The following TENM2 variants were observed in gnomAD, a reference collection of about 807,000 sequenced individuals.
The protein encoded by TENM2 is teneurin-2.
Under a neutral mutation model 245.2 loss-of-function variants are expected in TENM2, and 52 were observed. The observed-to-expected ratio is 0.21, with a 90% confidence interval of 0.17 to 0.27. The LOEUF (loss-of-function observed/expected upper bound fraction) is 0.27, where lower values mean the gene tolerates loss of function less well. TENM2 is among the 10% of genes least tolerant of loss of function. The probability of loss-of-function intolerance (pLI) is 1.00; values close to 1 mark genes in which losing one functional copy is unlikely to be tolerated. For synonymous variants in TENM2, 1,363 were observed against 1,438.9 expected, an observed-to-expected ratio of 0.95 and a Z score of 1.19; for missense variants, 3,046 against 3,666.8, an observed-to-expected ratio of 0.83 and a Z score of 4.37.
chr5:167,632,926 C>T (rs559776793), intron 2 of TENM2, among the ~76,000 whole-genome samples: 15 of 152,184 alleles, frequency 9.9e-5, no homozygotes, highest in African/African-American at 2.6e-4. Context: ...GTCATGATTT[C>T]GTATCATTTT....
At chr5:168,235,051 T>C (rs559680462) in intron 25 of TENM2, among the ~76,000 whole-genome samples, 38 of 152,306 alleles carry the variant, frequency 2.5e-4, no homozygotes, top group African/African-American at 8.9e-4. Context: ...CGTGCCTATG[T>C]GCATGTGAAC....
chr5:167,032,563 T>C, the TENM2 span, among the ~76,000 whole-genome samples: 14 of 152,180 alleles, frequency 9.2e-5, no homozygotes, highest in Non-Finnish European at 1.8e-4. Context: ...AATATTGTAA[T>C]GTGTGAGTTT....
chr5:167,288,289 G>A (rs1164289372), intron 1 of TENM2, among the ~76,000 whole-genome samples: 7 of 152,100 alleles, frequency 4.6e-5, no homozygotes, highest in Non-Finnish European at 7.4e-5. Context: ...GGCGGGCGCG[G>A]TGGCTCACAC....
the TENM2 span, among the ~76,000 whole-genome samples, chr5:167,027,632 T>C: frequency 6.6e-6 from 1 of 152,206 alleles, no homozygotes; most frequent in Non-Finnish European, 1.5e-5. Context: ...TATTTATTGA[T>C]CTTTTTCCTG....
At chr5:167,068,355 G>T in the TENM2 span, among the ~76,000 whole-genome samples, 4 of 152,126 alleles carry the variant, frequency 2.6e-5, no homozygotes, top group Non-Finnish European at 4.4e-5. Flanking sequence ...TATCGCCTGG[G>T]AAAGGGCTGT....
chr5:167,691,982 G>A (rs916780314), intron 2 of TENM2, among the ~76,000 whole-genome samples: 3 of 152,112 alleles, frequency 2.0e-5, no homozygotes, highest in Non-Finnish European at 4.4e-5. Context: ...ACCATTTGCG[G>A]GAGAGGAGTA....
At chr5:168,186,897 T>A (rs1355474462) in intron 13 of TENM2, 1 of 152,190 alleles carries the variant, frequency 6.6e-6, no homozygotes. Context: ...TCCAAGGGGC[T>A]TGCTGGCATA....
intron 2 of TENM2, among the ~76,000 whole-genome samples, chr5:167,869,222 G>T (rs888965306): frequency 3.9e-5 from 6 of 152,206 alleles, no homozygotes; most frequent in African/African-American, 1.4e-4. Context: ...ATAAACATTT[G>T]TAAAAGACAA....
At chr5:167,219,125 T>C in the TENM2 span, among the ~76,000 whole-genome samples, 2 of 152,122 alleles carry the variant, frequency 1.3e-5, no homozygotes, top group African/African-American at 4.8e-5. Flanking sequence ...ATTTCTCAAG[T>C]CCTCAGCCAA....
At chr5:167,214,222 T>C in the TENM2 span, among the ~76,000 whole-genome samples, 1 of 152,190 alleles carries the variant, frequency 6.6e-6, no homozygotes, top group Admixed American at 6.5e-5. Flanking sequence ...ATTTGCCCCA[T>C]TTTCATATTG....
At chr5:167,358,839 ACACACACACACACC>A (rs1446846083) in intron 1 of TENM2, among the ~76,000 whole-genome samples, 13 of 84,210 alleles carry the variant, frequency 1.5e-4, no homozygotes, top group African/African-American at 4.8e-4. Context: ...ACACACACAC[ACACACACACACACC>A]CTGCTGTTTT....
Position 167,537,713 on chromosome 5 carries a change from G to A in TENM2, c.502+162240G>A, listed in dbSNP as rs527620021. Among the ~76,000 whole-genome samples, 10 of 152,286 alleles carry A rather than the reference G, an allele frequency of 6.6e-5. No homozygotes were observed. The South Asian group carries it at 2.1e-3, about 32-fold the overall frequency. ...TCTTCTTCCATCTTCCCAGGTATGA[G>A]GCAAAGATTAAAGCCATAGACGCTC... On this transcript the variant is annotated intron_variant, in intron 2 of 28. Transcript: ENST00000518659.
At chr5:167,945,006 G>A (rs1304854426) in intron 3 of TENM2, among the ~76,000 whole-genome samples, 2 of 152,148 alleles carry the variant, frequency 1.3e-5, no homozygotes, top group Non-Finnish European at 2.9e-5. Flanking sequence ...GAATTAAGTG[G>A]GAGGGCATCA....
At chr5:167,170,684 G>C in the TENM2 span, among the ~76,000 whole-genome samples, 1 of 152,020 alleles carries the variant, frequency 6.6e-6, no homozygotes, top group Admixed American at 6.6e-5. Flanking sequence ...TTTAAAAGTT[G>C]ATCTTTAATC....
the TENM2 span, among the ~76,000 whole-genome samples, chr5:167,218,182 GCT>G: frequency 9.9e-5 from 15 of 151,848 alleles, no homozygotes; most frequent in Non-Finnish European, 1.8e-4. Flanking sequence ...GTTGCTCCTG[GCT>G]CTGTTTTTTA....
chr5:167,242,754 G>A, the TENM2 span, among the ~76,000 whole-genome samples: 1 of 152,040 alleles, frequency 6.6e-6, no homozygotes, highest in African/African-American at 2.4e-5. Context: ...TACGTTACTG[G>A]CAAGGCTTCC....
the TENM2 span, among the ~76,000 whole-genome samples, chr5:167,050,026 T>C: frequency 1.3e-5 from 2 of 151,974 alleles, no homozygotes; most frequent in Admixed American, 6.6e-5. Flanking sequence ...AGGATAAGAG[T>C]GTTCCAGGCT....
At chr5:166,989,672 G>A in the TENM2 span, among the ~76,000 whole-genome samples, 23 of 151,386 alleles carry the variant, frequency 1.5e-4, no homozygotes, top group African/African-American at 2.2e-4. Flanking sequence ...GATTACAGAC[G>A]TGAGCCACTG....
the TENM2 span, among the ~76,000 whole-genome samples, chr5:167,143,504 G>A: frequency 4.6e-5 from 7 of 152,108 alleles, no homozygotes; most frequent in Non-Finnish European, 1.0e-4. Context: ...ATGTATTGTG[G>A]TGTTATAAGA....
Sources: gnomAD v4.1 joint callset for allele counts (sites outside exome capture counted in the v4.1 genomes callset) on GRCh38, gnomAD v4.1.1 for gene constraint, MANE v1.5 for transcripts, NCBI Gene and HGNC (gene_info 2026-07-23, HGNC 2026-07-21) for gene names.